SNX25: variants seen among roughly 807,000 people sequenced by gnomAD.
The protein encoded by SNX25 is sorting nexin 25, also known as sorting nexin-25.
Under a neutral mutation model 113.7 loss-of-function variants are expected in SNX25, and 62 were observed. That is an observed-to-expected ratio of 0.55 (90% confidence interval 0.44 to 0.67). The LOEUF (loss-of-function observed/expected upper bound fraction) is 0.67. SNX25 is among the 30% of genes least tolerant of loss of function. The pLI is 0.00. For synonymous variants in SNX25, 421 were observed against 436.2 expected (o/e 0.97, Z 0.43); for missense variants, 1,014 against 1,161.0 (o/e 0.87, Z 1.84).
At chr4:185,231,789 G>A (rs1438832576) in intron 1 of SNX25, among the ~76,000 whole-genome samples, 2 of 151,882 alleles carry the variant, frequency 1.3e-5, no homozygotes, top group Non-Finnish European at 2.9e-5. Context: ...AACAGAAGAA[G>A]CAATTTGTAT....
chr4:185,343,149 A>G (rs2095268824), intron 12 of SNX25, among the ~76,000 whole-genome samples: 1 of 152,132 alleles, frequency 6.6e-6, no homozygotes, highest in Admixed American at 6.5e-5. Flanking sequence ...CCTCGGCCTT[A>G]CAAAGAGCTA....
rs979737754 is a variant in SNX25, at chr4:185,350,380, C to T, written c.2302-1065C>T. On this transcript the variant is annotated intron_variant, in intron 13 of 18. Coordinates refer to ENST00000652585, the MANE Select transcript of SNX25 (RefSeq NM_001378034.2). ...GTGGCTGACAGTTCTTATAGGTTTA[C>T]ATATTCCTAAGCCCAGTGTCTTATA... is the stretch of plus-strand genomic sequence containing the variant. Among the ~76,000 whole-genome samples, 2 of 152,172 alleles carry T rather than the reference C, an allele frequency of 1.3e-5. 1 individual carries two copies. Among genetic ancestry groups the T allele is most frequent in the Admixed American group, 1.3e-4 (2 of 15,280 alleles).
chr4:185,310,855 T>C, intron 7 of SNX25, 39 bp downstream of exon 7: 1 of 1,538,020 alleles, frequency 6.5e-7, no homozygotes, highest in Non-Finnish European at 8.7e-7. Context: ...CCTACCAAGT[T>C]TATTATAAAT....
In SNX25 at chr4:185,323,695, G is replaced by C; in HGVS notation, c.1644G>C (p.Lys548Asn). The C allele has an allele frequency of 6.2e-7, 1 of 1,613,670 alleles. No individual in the cohort carries two copies. The highest frequency in any genetic ancestry group is 1.7e-5 in the Admixed American group (1 of 60,006). ...AGGAAGATGTTTATGAGACCCTAAA[G>C]GATAGGTATTACCCTTCATTTATTG... ...KIQEDVYETLKDRYYPSFIVS... is the reference protein window; with the variant it reads ...KIQEDVYETLNDRYYPSFIVS... Residue 548 changes from lysine to asparagine, a missense_variant, in exon 9 of 19, where the codon AAG becomes AAC. Lys to Asn is a moderately conservative substitution (Grantham distance 94). Transcript: ENST00000652585.
chr4:185,320,069 G>T (rs943126737), intron 7 of SNX25, among the ~76,000 whole-genome samples: 2 of 152,182 alleles, frequency 1.3e-5, no homozygotes, highest in Non-Finnish European at 2.9e-5. Flanking sequence ...ACAGTATGAC[G>T]ATTCCTTGAG....
intron 1 of SNX25, among the ~76,000 whole-genome samples, chr4:185,238,066 A>C (rs1347934851): frequency 9.3e-5 from 14 of 150,202 alleles, no homozygotes; most frequent in Non-Finnish European, 8.9e-5. Flanking sequence ...CCATCTCAAA[A>C]AAAAAAAAAA....
intron 1 of SNX25, among the ~76,000 whole-genome samples, chr4:185,216,257 G>A (rs188658627): frequency 5.3e-5 from 8 of 152,052 alleles, no homozygotes; most frequent in Admixed American, 4.6e-4. Flanking sequence ...ATACATATAG[G>A]CACATACACA....
At chr4:185,329,681 C>CAGAGAGAGAGAG (rs111361928) in intron 9 of SNX25, among the ~76,000 whole-genome samples, 8 of 148,922 alleles carry the variant, frequency 5.4e-5, no homozygotes, top group African/African-American at 2.0e-4. Context: ...AAGACAGACA[C>CAGAGAGAGAGAG]AGAGAGAGAG....
downstream of SNX25, among the ~76,000 whole-genome samples, chr4:185,371,722 C>T (rs968129477): frequency 6.6e-5 from 10 of 152,188 alleles, no homozygotes; most frequent in African/African-American, 2.2e-4. Context: ...GATTTAAAGT[C>T]TTAGTTCTAA....
Position 185,209,754 on chromosome 4 carries a change from C to G in SNX25, c.-73C>G. On this transcript the variant is annotated 5_prime_UTR_variant, in exon 1 of 19. Transcript: ENST00000652585. The surrounding 1 kb of genome is among the most constrained non-coding windows in gnomAD (Gnocchi z 5.2). ...CGGGCGAGGCATGAGCGCGGGCTCC[C>G]CCTGCCTCCGGAGCGCCGGCGGGGG... 3.0e-6 allele frequency: 3 copies of G among 984,060 alleles called. No individual in the cohort carries two copies. Among genetic ancestry groups the G allele is most frequent in the Non-Finnish European group, 3.6e-6 (3 of 829,428 alleles). 61.0% of individuals were successfully genotyped at this position (984,060 alleles called of 1,614,324 possible).
chr4:185,223,067 AGATG>A (rs1244197994), intron 1 of SNX25, among the ~76,000 whole-genome samples: 1 of 152,210 alleles, frequency 6.6e-6, no homozygotes, highest in Non-Finnish European at 1.5e-5. Context: ...ATAGATGTAT[AGATG>A]GATGAATGAT....
chr4:185,297,748 A>C (rs779104513), intron 6 of SNX25, among the ~76,000 whole-genome samples: 17 of 152,096 alleles, frequency 1.1e-4, no homozygotes, highest in African/African-American at 4.8e-5. Flanking sequence ...AGTGGGGAGA[A>C]GGAGAATTCT....
In SNX25 at chr4:185,212,599, C is replaced by G. The variant is rs997475816; in HGVS notation, c.429+2344C>G. ...TCCTCAAGTGATCCTCCTGCCTCAGCCTCCCAAAGGGCTAGAATTATCGGC... is the reference window on the plus strand; with the variant it reads ...TCCTCAAGTGATCCTCCTGCCTCAGGCTCCCAAAGGGCTAGAATTATCGGC... On this transcript the variant is annotated intron_variant, in intron 1 of 18. Transcript: ENST00000652585. 1.3e-5 allele frequency among the ~76,000 whole-genome samples: 2 copies of G among 151,446 alleles called. 1 individual carries two copies. Among genetic ancestry groups the G allele is most frequent in the Middle Eastern group, 6.8e-3 (2 of 294 alleles).
chr4:185,361,133 A>T (rs549688510), intron 16 of SNX25, among the ~76,000 whole-genome samples: 7 of 152,250 alleles, frequency 4.6e-5, no homozygotes, highest in Non-Finnish European at 7.4e-5. Flanking sequence ...TCATGGGCAT[A>T]TGAAGTGCTT....
intron 9 of SNX25, among the ~76,000 whole-genome samples, chr4:185,326,709 C>T (rs1257030615): frequency 6.6e-6 from 1 of 152,138 alleles, no homozygotes; most frequent in Non-Finnish European, 1.5e-5. Flanking sequence ...TGATTTTATA[C>T]CAAATAAGCC....
upstream of SNX25, among the ~76,000 whole-genome samples, chr4:185,206,582 CG>C (rs1196450667): frequency 7.1e-6 from 1 of 140,478 alleles, no homozygotes; most frequent in African/African-American, 2.6e-5. Context: ...TCTCTTGAAC[CG>C]GGGAGGCGGA....
intron 6 of SNX25, among the ~76,000 whole-genome samples, chr4:185,305,405 G>A (rs1161447145): frequency 6.6e-6 from 1 of 152,148 alleles, no homozygotes; most frequent in African/African-American, 2.4e-5. Context: ...TCTACTGTTG[G>A]TGTTTTTCTT....
At chr4:185,316,503 T>C (rs543610528) in intron 7 of SNX25, among the ~76,000 whole-genome samples, 1 of 152,326 alleles carries the variant, frequency 6.6e-6, no homozygotes, top group East Asian at 1.9e-4. Context: ...TGTGTTGCCT[T>C]ATCTTTTTGC....
intron 6 of SNX25, among the ~76,000 whole-genome samples, chr4:185,295,125 A>G (rs1752672055): frequency 6.6e-6 from 1 of 152,202 alleles, no homozygotes; most frequent in Non-Finnish European, 1.5e-5. Context: ...TTTTAGCGTT[A>G]AAAAATCTCC....
Sources: allele counts gnomAD v4.1 joint callset (sites outside exome capture counted in the v4.1 genomes callset), GRCh38; gene constraint gnomAD v4.1.1; non-coding constraint Gnocchi (gnomAD v3.1); transcripts MANE v1.5; gene names NCBI Gene and HGNC (gene_info 2026-07-23, HGNC 2026-07-21).